Variants in RBM25 observed in about 807,000 individuals in gnomAD.
The protein encoded by RBM25 is RNA-binding protein 25.
Under a neutral mutation model 120.7 loss-of-function variants are expected in RBM25, and 19 were observed. The ratio of observed to expected loss-of-function variants is 0.16; its 90% CI spans 0.11 to 0.23. The LOEUF (loss-of-function observed/expected upper bound fraction) is 0.23. RBM25 is among the 10% of genes least tolerant of loss of function. The pLI, the probability that RBM25 is intolerant of heterozygous loss-of-function variation, is 1.00. For missense variants in RBM25, 605 were observed against 1,041.5 expected (o/e 0.58, Z 5.77); for synonymous variants, 390 against 326.7 (o/e 1.19, Z -2.09).
chr14:73,079,624 C>T (rs1895512097), intron 4 of RBM25, among the ~76,000 whole-genome samples: 1 of 150,466 alleles, frequency 6.6e-6, no homozygotes, highest in African/African-American at 2.4e-5. Context: ...ATATTGTTGC[C>T]TGCTCTCCTT....
At chr14:73,108,245 C>T (rs112889564) in intron 13 of RBM25, among the ~76,000 whole-genome samples, 80 of 152,252 alleles carry the variant, frequency 5.3e-4, no homozygotes, top group African/African-American at 1.7e-3. Context: ...AATGCAGGGG[C>T]ATGATCATAG....
chr14:73,071,602 A>G (rs765857891), intron 1 of RBM25, 25 bp from the exon 2 acceptor site: 1 of 1,470,352 alleles, frequency 6.8e-7, no homozygotes, highest in African/African-American at 1.4e-5. Flanking sequence ...AAATAAAATG[A>G]TTTGTCATGT....
intron 6 of RBM25, among the ~76,000 whole-genome samples, chr14:73,096,005 T>C (rs1406726568): frequency 6.6e-6 from 1 of 152,064 alleles, no homozygotes; most frequent in African/African-American, 2.4e-5. Context: ...TGAGATGGAG[T>C]TTCGCTCTTT....
intron 1 of RBM25, among the ~76,000 whole-genome samples, chr14:73,059,069 T>A (rs1043048256): frequency 2.0e-5 from 3 of 152,156 alleles, no homozygotes; most frequent in Admixed American, 6.5e-5. Flanking sequence ...AGCCCTTCCC[T>A]GAGCCCCCTT....
chr14:73,063,467 A>G (rs1227157964), intron 1 of RBM25, among the ~76,000 whole-genome samples: 1 of 151,420 alleles, frequency 6.6e-6, no homozygotes, highest in Non-Finnish European at 1.5e-5. Flanking sequence ...CATACTTAGC[A>G]GGAAAAGGTG....
intron 17 of RBM25, among the ~76,000 whole-genome samples, chr14:73,113,006 A>G (rs568470717): frequency 6.6e-6 from 1 of 152,026 alleles, no homozygotes; most frequent in African/African-American, 2.4e-5. Flanking sequence ...ATTATACTTT[A>G]AATTCTAGGA....
chr14:73,106,791 C>T (rs1387527413), intron 12 of RBM25, among the ~76,000 whole-genome samples: 1 of 151,570 alleles, frequency 6.6e-6, no homozygotes, highest in Non-Finnish European at 1.5e-5. Flanking sequence ...GAATTAAAAA[C>T]CATATACATA....
chr14:73,117,426 T>G (rs1432238249), intron 18 of RBM25, among the ~76,000 whole-genome samples: 1 of 151,954 alleles, frequency 6.6e-6, no homozygotes, highest in Non-Finnish European at 1.5e-5. Context: ...TTGACGGGTT[T>G]CACCATGTTG....
chr14:73,059,093 C>G (rs576334431), intron 1 of RBM25, among the ~76,000 whole-genome samples: 3 of 152,224 alleles, frequency 2.0e-5, no homozygotes, highest in Admixed American at 6.5e-5. Flanking sequence ...TACCGGAGCC[C>G]CACAGTAGGT....
chr14:73,086,104 G>T (rs1303067471), intron 5 of RBM25, among the ~76,000 whole-genome samples: 1 of 151,818 alleles, frequency 6.6e-6, no homozygotes, highest in Non-Finnish European at 1.5e-5. Flanking sequence ...CATTTCTCCA[G>T]GGGAAATTGT....
At chr14:73,068,433 T>TCC (rs1315332613) in intron 1 of RBM25, 54 of 712,932 alleles carry the variant, frequency 7.6e-5, no homozygotes, top group Non-Finnish European at 1.4e-4. Context: ...TGAGACTTAT[T>TCC]CAGACTACCA....
intron 1 of RBM25, among the ~76,000 whole-genome samples, chr14:73,069,559 A>T (rs749545109): frequency 9.2e-5 from 14 of 151,684 alleles, no homozygotes; most frequent in Non-Finnish European, 1.2e-4. Context: ...TAAGCCTCCC[A>T]TGTAGCTGGG....
At chr14:73,110,756 A>G in intron 14 of RBM25, 75 bp from the exon 15 acceptor site, 2 of 1,498,722 alleles carry the variant, frequency 1.3e-6, no homozygotes, top group Admixed American at 2.3e-5. Context: ...GATATTTTAC[A>G]AGAGGTAATG....
At chr14:73,086,912 C>A (rs1011269587) in intron 5 of RBM25, among the ~76,000 whole-genome samples, 2 of 152,138 alleles carry the variant, frequency 1.3e-5, no homozygotes, top group Non-Finnish European at 2.9e-5. Context: ...ACCATGTTGG[C>A]CAGGCTGGTC....
At chr14:73,114,218 T>C (rs1229527617) in intron 17 of RBM25, 68 bp from the exon 18 acceptor site, 2 of 1,184,490 alleles carry the variant, frequency 1.7e-6, no homozygotes, top group Non-Finnish European at 2.4e-6. Context: ...ATTCATACCT[T>C]AAAATTTCTT....
At chr14:73,109,117 T>G in intron 13 of RBM25, 1 of 317,082 alleles carries the variant, frequency 3.2e-6, no homozygotes, top group Non-Finnish European at 5.9e-6. Context: ...TAGAATGACT[T>G]TAAGAATGAA....
intron 5 of RBM25, 81 bp from the exon 6 acceptor site, chr14:73,087,918 ACT>A: frequency 7.4e-7 from 1 of 1,346,230 alleles, no homozygotes; most frequent in Non-Finnish European, 1.0e-6. Context: ...AAACATTTGG[ACT>A]CTAGTGATTC....
At chr14:73,102,205 A>G (rs1417680584) in intron 9 of RBM25, 2 of 152,194 alleles carry the variant, frequency 1.3e-5, no homozygotes, top group African/African-American at 4.8e-5. Flanking sequence ...AAAGGGATAA[A>G]TGTGTTTTGT....
At position 73,081,661 on chromosome 14, in the gene RBM25, A is replaced by G. The variant is rs373231324; in HGVS notation, c.325-1833A>G. Among the ~76,000 whole-genome samples the G allele has an allele frequency of 6.6e-5, 10 of 152,282 alleles. No individual in the cohort carries two copies. The South Asian group carries it at 2.1e-3, about 32-fold the overall frequency. On this transcript the variant is annotated intron_variant, in intron 4 of 18. Transcript: ENST00000261973. ...TGGTATATATGGGTATGTGGTTGGT[A>G]ACTTTTCTGAATCTAAATCTGAAGT...
Sources: gnomAD v4.1 joint callset for allele counts (sites outside exome capture counted in the v4.1 genomes callset) on GRCh38, gnomAD v4.1.1 for gene constraint, MANE v1.5 for transcripts, NCBI Gene and HGNC (gene_info 2026-07-23, HGNC 2026-07-21) for gene names.